The following TJP1 variants were observed in gnomAD, a reference collection of about 807,000 sequenced individuals.
TJP1 encodes the protein tight junction protein 1, also known as tight junction protein ZO-1.
TJP1 carries 43 observed loss-of-function variants against 194.2 expected under a neutral mutation model. The ratio of observed to expected loss-of-function variants is 0.22; its 90% CI spans 0.17 to 0.29. TJP1 has a LOEUF of 0.29. Ranked by LOEUF, TJP1 falls within the 10% of genes least tolerant of loss-of-function variation. The pLI is 1.00. For synonymous variants in TJP1, 801 were observed against 779.0 expected, an observed-to-expected ratio of 1.03 and a Z score of -0.47; for missense variants, 1,971 against 2,185.7, an observed-to-expected ratio of 0.90 and a Z score of 1.96.
chr15:29,733,378 A>T (rs147312726), intron 12 of TJP1, 65 bp from the exon 13 acceptor site: 1 of 1,113,446 alleles, frequency 9.0e-7, no homozygotes, highest in Non-Finnish European at 1.3e-6. Context: ...AAGACAGTAC[A>T]TTATGTAAAG....
chr15:29,905,619 A>C (rs886488167), intron 2 of TJP1, among the ~76,000 whole-genome samples: 2 of 152,256 alleles, frequency 1.3e-5, no homozygotes, highest in African/African-American at 4.8e-5. Context: ...AGATGTCCTC[A>C]AACAGGTGAA....
At chr15:29,888,333 T>C (rs909499544) in intron 2 of TJP1, among the ~76,000 whole-genome samples, 1 of 152,062 alleles carries the variant, frequency 6.6e-6, no homozygotes, top group Non-Finnish European at 1.5e-5. Context: ...AACAGAAATA[T>C]ATGCAATAGG....
At chr15:29,760,536 C>T (rs2045935118) in intron 8 of TJP1, among the ~76,000 whole-genome samples, 1 of 152,088 alleles carries the variant, frequency 6.6e-6, no homozygotes, top group Non-Finnish European at 1.5e-5. Flanking sequence ...CCAACACTAC[C>T]TGGCTAATTT....
At chr15:29,782,023 G>A (rs1008359484) in intron 2 of TJP1, among the ~76,000 whole-genome samples, 3 of 152,092 alleles carry the variant, frequency 2.0e-5, no homozygotes, top group Non-Finnish European at 4.4e-5. Context: ...AAGAGAGAAA[G>A]TTAAACTACC....
At chr15:29,860,085 C>T (rs1003895743) in intron 2 of TJP1, among the ~76,000 whole-genome samples, 1 of 152,182 alleles carries the variant, frequency 6.6e-6, no homozygotes, top group Non-Finnish European at 1.5e-5. Flanking sequence ...CTTACTGGGG[C>T]TACCTCTATT....
At chr15:29,817,803 G>A (rs972787063) in intron 1 of TJP1, among the ~76,000 whole-genome samples, 8 of 152,246 alleles carry the variant, frequency 5.3e-5, no homozygotes, top group Admixed American at 6.5e-5. Flanking sequence ...ATGGACACAG[G>A]GAGGGGAACA....
rs77001406 is a variant in TJP1, at chr15:29,882,535, A to C, written c.306+73697T>G. ...CCACAAAATGACCAGGAGGCACATG[A>C]TATCATACACAATAAGAGAGTATGG... On this transcript the variant is annotated intron_variant, in intron 2 of 28. Transcript: ENST00000356107. Among the ~76,000 whole-genome samples, 227 of 152,338 alleles carry C rather than the reference A, an allele frequency of 1.5e-3. 2 individuals carry two copies. Among genetic ancestry groups the C allele is most frequent in the African/African-American group, 5.0e-3 (207 of 41,574 alleles).
intron 2 of TJP1, among the ~76,000 whole-genome samples, chr15:29,914,534 A>C (rs906313987): frequency 6.6e-6 from 1 of 152,120 alleles, no homozygotes; most frequent in Non-Finnish European, 1.5e-5. Context: ...GCTTGTCTGT[A>C]ATGAAGTGAT....
intron 2 of TJP1, among the ~76,000 whole-genome samples, chr15:29,795,510 TAAAG>T (rs2048349845): frequency 6.6e-6 from 1 of 150,726 alleles, no homozygotes; most frequent in South Asian, 2.1e-4. Context: ...TATATAAAAT[TAAAG>T]AAACTGAATT....
chr15:29,723,878 G>A (rs951593066), intron 18 of TJP1, among the ~76,000 whole-genome samples: 1 of 152,152 alleles, frequency 6.6e-6, no homozygotes, highest in African/African-American at 2.4e-5. Context: ...ACACTAACGT[G>A]ACACTAGTAC....
chr15:29,729,195 G>T (rs1418316147), intron 15 of TJP1: 2 of 152,240 alleles, frequency 1.3e-5, no homozygotes, highest in South Asian at 2.1e-4. Flanking sequence ...GCCACTAGGG[G>T]AGGCTGAGAC....
intron 2 of TJP1, among the ~76,000 whole-genome samples, chr15:29,909,212 C>T (rs77308260): frequency 0.046 from 6,980 of 150,358 alleles, 203 homozygotes; most frequent in South Asian, 0.11. Flanking sequence ...GTGGTGCACA[C>T]TTGTAGTCCC....
chr15:29,792,947 T>C (rs1458890851), intron 2 of TJP1, among the ~76,000 whole-genome samples: 1 of 152,238 alleles, frequency 6.6e-6, no homozygotes, highest in African/African-American at 2.4e-5. Context: ...ATGCTGCTGA[T>C]TTTTATATGC....
At chr15:29,721,670 T>A (rs936176494) in intron 18 of TJP1, among the ~76,000 whole-genome samples, 2 of 152,148 alleles carry the variant, frequency 1.3e-5, no homozygotes, top group Non-Finnish European at 2.9e-5. Context: ...TGGAACAGTT[T>A]GGAGGGCTCA....
At chr15:29,746,351 C>T (rs1252136512) in intron 8 of TJP1, among the ~76,000 whole-genome samples, 2 of 151,438 alleles carry the variant, frequency 1.3e-5, no homozygotes, top group Non-Finnish European at 2.9e-5. Flanking sequence ...GCACTCCAGC[C>T]TGGACGACAG....
chr15:29,780,021 A>G (rs1412701701), intron 2 of TJP1, among the ~76,000 whole-genome samples: 1 of 151,460 alleles, frequency 6.6e-6, no homozygotes, highest in African/African-American at 2.4e-5. Context: ...CACAAATTAC[A>G]GGCAAAAATG....
chr15:29,756,408 T>C (rs2045644737), intron 8 of TJP1, among the ~76,000 whole-genome samples: 1 of 152,222 alleles, frequency 6.6e-6, no homozygotes, highest in South Asian at 2.1e-4. Flanking sequence ...TTTGGAAACT[T>C]TTTCTGTAAT....
At position 29,968,564 on chromosome 15, in the gene TJP1, C is replaced by A. The variant is rs965402979; in HGVS notation, c.173+103G>T. On this transcript the variant is annotated intron_variant, in intron 1 of 28. Coordinates refer to the TJP1 transcript ENST00000356107. The stretch of plus-strand genomic sequence containing the variant: ...TCGGGCCCGACAGTCGCGGCCTCGC[C>A]CCCCGCCCGACCGCCCCGGCCGCCG... 1.1e-5 allele frequency: 9 copies of A among 828,804 alleles called. No homozygotes were observed. The African/African-American group carries it at 1.7e-4, about 15-fold the overall frequency. The allele number at this position is 828,804 out of a possible 1,614,324, so 51.3% of individuals were successfully genotyped here.
intron 2 of TJP1, among the ~76,000 whole-genome samples, chr15:29,870,671 T>C (rs1276750953): frequency 6.6e-6 from 1 of 152,210 alleles, no homozygotes; most frequent in African/African-American, 2.4e-5. Flanking sequence ...CTCCAGATTT[T>C]ACATAATGTG....
Sources: gnomAD v4.1 joint callset for allele counts (sites outside exome capture counted in the v4.1 genomes callset) on GRCh38, gnomAD v4.1.1 for gene constraint, MANE v1.5 for transcripts, NCBI Gene and HGNC (gene_info 2026-07-23, HGNC 2026-07-21) for gene names.